NEXMIF: variants seen among roughly 807,000 people sequenced by gnomAD.
NEXMIF encodes XLMR protein related to neurite extension.
A neutral mutation model predicts 62.1 loss-of-function variants in NEXMIF; 8 were observed. The ratio of observed to expected loss-of-function variants is 0.13; its 90% CI spans 0.08 to 0.23. The LOEUF (loss-of-function observed/expected upper bound fraction) is 0.23. NEXMIF is among the 10% of genes least tolerant of loss of function. The pLI is 1.00. For missense variants in NEXMIF, 976 were observed against 1,113.3 expected (o/e 0.88, Z 1.75); for synonymous variants, 404 against 416.6 (o/e 0.97, Z 0.37).
chrX:74,749,494 G>A lies in NEXMIF; in HGVS notation c.-47-3797C>T, dbSNP rs528457534. 1.0e-4 allele frequency among the ~76,000 whole-genome samples: 11 copies of A among 110,494 alleles called. No individual in the cohort carries two copies. In the South Asian group the frequency reaches 3.9e-3, roughly 39 times the overall value. ...TTTCATTCTGTTCACTTCCCCCTATGTTCCTAAATATTCTAACCCTCTCCA... is the reference window on the plus strand; with the variant it reads ...TTTCATTCTGTTCACTTCCCCCTATATTCCTAAATATTCTAACCCTCTCCA... On this transcript the variant is annotated intron_variant, in intron 1 of 3. Coordinates refer to ENST00000055682, the MANE Select transcript of NEXMIF (RefSeq NM_001008537.3).
At position 74,734,585 on chromosome X, in the gene NEXMIF, A is replaced by T. The variant is rs1466922314; in HGVS notation, c.*4820T>A. The T allele has an allele frequency of 2.7e-5, 3 of 112,238 alleles. No individual in the cohort carries two copies. The highest frequency in any genetic ancestry group is 1.9e-5 in the Non-Finnish European group (1 of 53,155). The allele number at this position is 112,238 out of a possible 1,213,427, so 9.2% of individuals were successfully genotyped here. A position where few individuals can be genotyped will look rare whatever the true frequency, so the allele number is the denominator to read the frequency against. On this transcript the variant is annotated 3_prime_UTR_variant, in exon 4 of 4. Coordinates refer to ENST00000055682, the MANE Select transcript of NEXMIF (RefSeq NM_001008537.3). ...ACCCCTGAGCTTGTTAGATGGACAG[A>T]CATCCTTTCCATCTTATGTGGATGA... is the stretch of plus-strand genomic sequence containing the variant.
At chrX:74,834,026 C>T (rs1260234656) in intron 1 of NEXMIF, among the ~76,000 whole-genome samples, 1 of 106,101 alleles carries the variant, frequency 9.4e-6, no homozygotes, top group Non-Finnish European at 1.9e-5. Flanking sequence ...CCCAGCTACT[C>T]GGGAGGCTGA....
intron 1 of NEXMIF, among the ~76,000 whole-genome samples, chrX:74,880,782 G>A (rs1165166753): frequency 1.8e-5 from 2 of 112,049 alleles, no homozygotes; most frequent in Non-Finnish European, 3.8e-5. Flanking sequence ...CACATACCCA[G>A]ATGCTCAGAC....
chrX:74,797,620 G>A (rs2080316228), intron 1 of NEXMIF, among the ~76,000 whole-genome samples: 1 of 111,986 alleles, frequency 8.9e-6, no homozygotes, highest in Admixed American at 9.5e-5. Flanking sequence ...TTATCTAACT[G>A]TGTGACCTTA....
intron 1 of NEXMIF, among the ~76,000 whole-genome samples, chrX:74,777,293 C>T (rs1051771116): frequency 9.0e-6 from 1 of 110,898 alleles, no homozygotes; most frequent in Non-Finnish European, 1.9e-5. Flanking sequence ...ATTTTTGACC[C>T]TGTTTAAATT....
At chrX:74,921,965 A>T (rs143018568) in intron 1 of NEXMIF, among the ~76,000 whole-genome samples, 298 of 111,995 alleles carry the variant, frequency 2.7e-3, no homozygotes, top group Middle Eastern at 9.2e-3. Flanking sequence ...GGATATACAG[A>T]AGAAAAAATA....
chrX:74,919,435 T>C (rs1330189777), intron 1 of NEXMIF, among the ~76,000 whole-genome samples: 1 of 111,226 alleles, frequency 9.0e-6, no homozygotes, highest in African/African-American at 3.3e-5. Flanking sequence ...AGAATCATGG[T>C]TTCTTTCAAA....
intron 1 of NEXMIF, among the ~76,000 whole-genome samples, chrX:74,886,614 G>A (rs1378016790): frequency 1.8e-5 from 2 of 110,706 alleles, no homozygotes; most frequent in Non-Finnish European, 3.8e-5. Context: ...ACCTCTTCAA[G>A]GAGAACTACA....
At chrX:74,817,985 T>C (rs916360943) in intron 1 of NEXMIF, among the ~76,000 whole-genome samples, 23 of 110,867 alleles carry the variant, frequency 2.1e-4, no homozygotes, top group Non-Finnish European at 3.8e-4. Flanking sequence ...AAACATTCCA[T>C]GCTCATGAAT....
chrX:74,738,960 A>C lies in NEXMIF; in HGVS notation c.*445T>G, dbSNP rs1236635625. ...GCTTTAAACTGTGGGTGAATCTGTG[A>C]GATGAGGTAAGAAAATTTGGCACAT... On this transcript the variant is annotated 3_prime_UTR_variant, in exon 4 of 4. Coordinates refer to ENST00000055682, the MANE Select transcript of NEXMIF (RefSeq NM_001008537.3). 2 of 112,462 alleles carry C rather than the reference A, an allele frequency of 1.8e-5. No individual in the cohort carries two copies. Among genetic ancestry groups the C allele is most frequent in the African/African-American group, 6.6e-5 (2 of 30,349 alleles). 9.3% of individuals were successfully genotyped at this position (112,462 alleles called of 1,213,427 possible). A position where few individuals can be genotyped will look rare whatever the true frequency, so the allele number is the denominator to read the frequency against.
At chrX:74,787,978 C>T (rs2080266360) in intron 1 of NEXMIF, among the ~76,000 whole-genome samples, 1 of 111,704 alleles carries the variant, frequency 9.0e-6, no homozygotes, top group Non-Finnish European at 1.9e-5. Flanking sequence ...CTGGTACATA[C>T]CAAAGGATCT....
At chrX:74,779,598 T>A (rs774175567) in intron 1 of NEXMIF, among the ~76,000 whole-genome samples, 32 of 111,718 alleles carry the variant, frequency 2.9e-4, no homozygotes, top group African/African-American at 1.0e-3. Flanking sequence ...CAGAGGCTCC[T>A]GCCCTTACTT....
At chrX:74,889,605 T>A (rs2080709994) in intron 1 of NEXMIF, among the ~76,000 whole-genome samples, 1 of 110,901 alleles carries the variant, frequency 9.0e-6, no homozygotes, top group Non-Finnish European at 1.9e-5. Context: ...CAAATACAAC[T>A]CAAAATAGTA....
At chrX:74,751,813 CTCCCTTCCT>C (rs1427681100) in intron 1 of NEXMIF, among the ~76,000 whole-genome samples, 29 of 98,147 alleles carry the variant, frequency 3.0e-4, no homozygotes, top group African/African-American at 8.6e-4. Context: ...TCCCTCCCTC[CTCCCTTCCT>C]TCCCTTCCTT....
At chrX:74,881,932 T>TAATCTAGG (rs2080666242) in intron 1 of NEXMIF, among the ~76,000 whole-genome samples, 1 of 111,656 alleles carries the variant, frequency 9.0e-6, no homozygotes, top group Non-Finnish European at 1.9e-5. Flanking sequence ...CGTGATGGTC[T>TAATCTAGG]AATCTAGGAT....
chrX:74,762,984 A>G (rs1278633733), intron 1 of NEXMIF, among the ~76,000 whole-genome samples: 1 of 111,942 alleles, frequency 8.9e-6, no homozygotes, highest in African/African-American at 3.2e-5. Context: ...GATACCATCT[A>G]TCAATTTTGG....
At chrX:74,770,770 C>A (rs932477372) in intron 1 of NEXMIF, among the ~76,000 whole-genome samples, 1 of 111,870 alleles carries the variant, frequency 8.9e-6, no homozygotes, top group Non-Finnish European at 1.9e-5. Flanking sequence ...AAAGAATTGA[C>A]CTTTGCTTAT....
At chrX:74,862,366 C>T (rs2080560982) in intron 1 of NEXMIF, among the ~76,000 whole-genome samples, 1 of 110,604 alleles carries the variant, frequency 9.0e-6, no homozygotes, top group Non-Finnish European at 1.9e-5. Context: ...TACAAAGAGA[C>T]TTACACTCCC....
chrX:74,739,116 A>T lies in NEXMIF; in HGVS notation c.*289T>A, dbSNP rs1313074562. On this transcript the variant is annotated 3_prime_UTR_variant, in exon 4 of 4. Coordinates refer to ENST00000055682, the MANE Select transcript of NEXMIF (RefSeq NM_001008537.3). ...TCACTGGAATGTTTCTAGTAAATTAACAGGGACAACTTCCCCAAATACAAC... is the reference window on the plus strand; with the variant it reads ...TCACTGGAATGTTTCTAGTAAATTATCAGGGACAACTTCCCCAAATACAAC... 5.7e-6 allele frequency: 1 copy of T among 175,882 alleles called. No individual in the cohort carries two copies. Among genetic ancestry groups the T allele is most frequent in the Non-Finnish European group, 1.0e-5 (1 of 95,991 alleles). The allele number at this position is 175,882 out of a possible 1,213,427, so 14.5% of individuals were successfully genotyped here.
Sources: gnomAD v4.1 joint callset for allele counts (sites outside exome capture counted in the v4.1 genomes callset) on GRCh38, gnomAD v4.1.1 for gene constraint, MANE v1.5 for transcripts, NCBI Gene and HGNC (gene_info 2026-07-23, HGNC 2026-07-21) for gene names.